Variants in ATP8A1 observed in about 807,000 individuals in gnomAD.
ATP8A1 encodes the protein phospholipid-transporting ATPase IA.
A neutral mutation model predicts 177.7 loss-of-function variants in ATP8A1; 90 were observed. The observed-to-expected ratio is 0.51, with a 90% CI of 0.43 to 0.60. The LOEUF is 0.60. ATP8A1 is among the 20% of genes least tolerant of loss of function. The probability of loss-of-function intolerance (pLI) is 0.00; values close to 1 mark genes in which losing one functional copy is unlikely to be tolerated. For missense variants in ATP8A1, 1,072 were observed against 1,392.8 expected (o/e 0.77, Z 3.67); for synonymous variants, 493 against 485.9 (o/e 1.01, Z -0.19).
intron 24 of ATP8A1, among the ~76,000 whole-genome samples, chr4:42,492,670 A>G (rs2153190810): frequency 6.6e-6 from 1 of 152,318 alleles, no homozygotes; most frequent in South Asian, 2.1e-4. Flanking sequence ...TTTAAGCCCC[A>G]CAGTCTATGG....
rs937405971 is a variant in ATP8A1, at chr4:42,524,844, T to C, written c.1726A>G (p.Thr576Ala). The change falls in exon 21 of 37, where the codon ACT becomes GCT. Residue 576 changes from threonine to alanine, a missense_variant. Transcript: ENST00000381668. ...KLRLYCKGAD[T>A]VIYDRLAETS... ...TCTGCCAGTCGATCATAAATTACAG[T>C]GTCCTGGAAAACAAACAGAGGGTAA... is the stretch of plus-strand genomic sequence containing the variant. 6.2e-7 allele frequency: 1 copy of C among 1,600,550 alleles called. No individual in the cohort carries two copies. The highest frequency in any genetic ancestry group is 2.2e-5 in the East Asian group (1 of 44,572).
At chr4:42,619,645 C>T (rs1386090558) in intron 4 of ATP8A1, among the ~76,000 whole-genome samples, 1 of 150,792 alleles carries the variant, frequency 6.6e-6, no homozygotes, top group African/African-American at 2.4e-5. Flanking sequence ...AATTTTAAAT[C>T]TATATATATA....
intron 16 of ATP8A1, among the ~76,000 whole-genome samples, chr4:42,554,467 A>G (rs1236071512): frequency 1.3e-5 from 2 of 152,202 alleles, no homozygotes; most frequent in African/African-American, 4.8e-5. Flanking sequence ...TAGGCTTTGT[A>G]GATCCTGAAG....
rs751055015 is a variant in ATP8A1, at chr4:42,509,849, CAAAAAAAAA to C, written c.1948-2704_1948-2696del. On this transcript the variant is annotated intron_variant, in intron 22 of 36. Transcript: ENST00000381668. ...CCTGGGCAACAGAGCGAGACAGTCTCAAAAAAAAAAAAAAAAAAAAAAAAGTTATTGTTT... is the reference window on the plus strand; with the variant it reads ...CCTGGGCAACAGAGCGAGACAGTCTCAAAAAAAAAAAAAAAGTTATTGTTT... Among the ~76,000 whole-genome samples the C allele has an allele frequency of 4.7e-3, 371 of 78,992 alleles. 7 individuals are homozygous for C. Among genetic ancestry groups the C allele is most frequent in the African/African-American group, 0.016 (366 of 22,854 alleles). The allele number at this position is 78,992 out of a possible 152,430, so 51.8% of individuals were successfully genotyped here.
In ATP8A1 at chr4:42,455,597, G is replaced by A. The variant is rs1419717503; in HGVS notation, c.2622C>T (p.Ile874=). ...AAAAGCCATTAACAAAGGCAAACCA[G>A]ATCTAGGAAAAAAAACCCAAAACCC... ...YKNIVLYIIE[I]WFAFVNGFSG... The change falls in exon 28 of 37, where the codon ATC becomes ATT. Residue 874 remains isoleucine (I), a splice_region_variant and synonymous_variant. Coordinates refer to ENST00000381668, the MANE Select transcript of ATP8A1 (RefSeq NM_006095.2). 6.2e-7 allele frequency: 1 copy of A among 1,611,996 alleles called. No individual in the cohort carries two copies. The highest frequency in any genetic ancestry group is 8.5e-7 in the Non-Finnish European group (1 of 1,179,362).
chr4:42,551,590 A>C (rs1729509190), intron 17 of ATP8A1, among the ~76,000 whole-genome samples: 1 of 152,184 alleles, frequency 6.6e-6, no homozygotes, highest in Non-Finnish European at 1.5e-5. Flanking sequence ...TTGCTAGAAA[A>C]CTTTCTCAAA....
intron 20 of ATP8A1, among the ~76,000 whole-genome samples, chr4:42,537,277 T>C (rs1727945179): frequency 6.6e-6 from 1 of 151,032 alleles, no homozygotes; most frequent in African/African-American, 2.4e-5. Context: ...CTTAAGGTAA[T>C]AAAAGCCATC....
intron 25 of ATP8A1, 152 bp from the exon 26 acceptor site, chr4:42,465,228 A>C: frequency 1.4e-6 from 1 of 709,500 alleles, no homozygotes; most frequent in African/African-American, 1.8e-5. Flanking sequence ...ATGTTTACTC[A>C]TCTGTTAACC....
chr4:42,627,637 A>G (rs1479500298), intron 1 of ATP8A1, among the ~76,000 whole-genome samples: 1 of 152,212 alleles, frequency 6.6e-6, no homozygotes, highest in Non-Finnish European at 1.5e-5. Context: ...CATGTTCACA[A>G]ACGAACTTTA....
At chr4:42,430,696 T>C (rs545256039) in intron 33 of ATP8A1, among the ~76,000 whole-genome samples, 3 of 152,324 alleles carry the variant, frequency 2.0e-5, no homozygotes, top group Admixed American at 6.5e-5. Context: ...GTTGTCATCA[T>C]TTAGCTCCCG....
At chr4:42,582,582 C>T (rs1220000576) in intron 9 of ATP8A1, among the ~76,000 whole-genome samples, 2 of 143,984 alleles carry the variant, frequency 1.4e-5, no homozygotes, top group Non-Finnish European at 3.0e-5. Context: ...AAGATAAATA[C>T]ACAGATCTCA....
In ATP8A1 at chr4:42,586,345, A is replaced by T. The variant is rs1463846291; in HGVS notation, c.722+4T>A. The T allele has an allele frequency of 1.9e-6, 3 of 1,613,506 alleles. No homozygotes were observed. Among genetic ancestry groups the T allele is most frequent in the Middle Eastern group, 1.7e-4 (1 of 6,056 alleles). ...GTGTTTTTATAAAGACGGATTTTAC[A>T]TACCCATGTCCATCAAGCCTTATGT... On this transcript the variant is annotated splice_donor_region_variant and intron_variant, in intron 9 of 36. Transcript: ENST00000381668.
intron 27 of ATP8A1, among the ~76,000 whole-genome samples, chr4:42,456,112 A>G (rs1718457109): frequency 6.6e-6 from 1 of 152,160 alleles, no homozygotes; most frequent in Non-Finnish European, 1.5e-5. Context: ...CTGCATATAG[A>G]GAGTGTCATA....
intron 27 of ATP8A1, among the ~76,000 whole-genome samples, chr4:42,456,668 T>C (rs1309106164): frequency 2.6e-5 from 4 of 152,126 alleles, no homozygotes; most frequent in Admixed American, 6.5e-5. Flanking sequence ...AAATATCAAA[T>C]GGATCTGGGA....
chr4:42,477,936 T>C (rs565734378), intron 25 of ATP8A1, among the ~76,000 whole-genome samples: 1 of 151,920 alleles, frequency 6.6e-6, no homozygotes, highest in Non-Finnish European at 1.5e-5. Flanking sequence ...TGAGCTAAGA[T>C]CAGGCTGCAC....
At position 42,409,699 on chromosome 4, in the gene ATP8A1, C is replaced by T. The variant is rs138298785; in HGVS notation, c.*3217G>A. The T allele has an allele frequency of 3.3e-5, 5 of 152,188 alleles. No homozygotes were observed. Among genetic ancestry groups the T allele is most frequent in the East Asian group, 3.9e-4 (2 of 5,188 alleles). The allele number at this position is 152,188 out of a possible 1,614,324, so 9.4% of individuals were successfully genotyped here. On this transcript the variant is annotated 3_prime_UTR_variant, in exon 37 of 37. Transcript: ENST00000381668. ...CATAATTTTAAAACTATGAATAATA[C>T]AATCTATTACTTTCTGACTAGCATT...
intron 1 of ATP8A1, among the ~76,000 whole-genome samples, chr4:42,638,857 T>G (rs925337405): frequency 6.6e-6 from 1 of 152,134 alleles, no homozygotes; most frequent in African/African-American, 2.4e-5. Context: ...GCAGTGGCAT[T>G]AAGTTCACCT....
chr4:42,451,717 A>T (rs141805846), intron 30 of ATP8A1, among the ~76,000 whole-genome samples: 118 of 152,300 alleles, frequency 7.7e-4, no homozygotes, highest in African/African-American at 2.6e-3. Flanking sequence ...CAACAGAGGG[A>T]AAAAAAGCCC....
At chr4:42,438,222 G>A (rs1716220418) in intron 33 of ATP8A1, among the ~76,000 whole-genome samples, 1 of 152,176 alleles carries the variant, frequency 6.6e-6, no homozygotes, top group Admixed American at 6.5e-5. Flanking sequence ...GGAGCTGTTT[G>A]ACCTTCAGAA....
Sources: allele counts gnomAD v4.1 joint callset (sites outside exome capture counted in the v4.1 genomes callset), GRCh38; gene constraint gnomAD v4.1.1; transcripts MANE v1.5; gene names NCBI Gene and HGNC (gene_info 2026-07-23, HGNC 2026-07-21).